PHKA1: variants seen among roughly 807,000 people sequenced by gnomAD.
PHKA1 encodes phosphorylase b kinase regulatory subunit alpha, skeletal muscle isoform.
In PHKA1, 60 loss-of-function variants were observed where a neutral mutation model predicts 110.2. The observed-to-expected ratio is 0.54, with a 90% confidence interval of 0.44 to 0.68. The LOEUF (loss-of-function observed/expected upper bound fraction) is 0.68. PHKA1 is among the 30% of genes least tolerant of loss of function. PHKA1 has a pLI of 0.00. For missense variants in PHKA1, 801 were observed against 942.5 expected, an observed-to-expected ratio of 0.85 and a Z score of 1.97; for synonymous variants, 316 against 333.6, an observed-to-expected ratio of 0.95 and a Z score of 0.58.
intron 12 of PHKA1, 51 bp downstream of exon 12, chrX:72,652,493 A>T: frequency 1.5e-6 from 1 of 680,787 alleles, no homozygotes; most frequent in Non-Finnish European, 2.4e-6. Context: ...TCTGATTATT[A>T]TGGTGACTTA....
At position 72,584,271 on chromosome X, in the gene PHKA1, A is replaced by G; in HGVS notation, c.3275T>C (p.Leu1092Pro). Residue 1092 changes from leucine to proline, a missense_variant, in exon 30 of 32, where the codon CTT becomes CCT. By Grantham distance (98) the Leu-to-Pro change is moderately conservative (BLOSUM62 -3). Coordinates refer to ENST00000373542, the MANE Select transcript of PHKA1 (RefSeq NM_002637.4). ...TACCTCTCTAGTGGTAGAGGAAGGA[A>G]GGACAAACCCTTCAACAGAAAGTCC... Reference protein sequence around the residue: ...CHGLSVEGFVLPSSTTREMTP... With the variant: ...CHGLSVEGFVPPSSTTREMTP... 1 of 1,208,550 alleles carries G rather than the reference A, an allele frequency of 8.3e-7. No homozygotes were observed. The highest frequency in any genetic ancestry group is 1.1e-6 in the Non-Finnish European group (1 of 892,465).
At position 72,712,910 on chromosome X, in the gene PHKA1, T is replaced by C. The variant is rs1332559529; in HGVS notation, c.106A>G (p.Ser36Gly). 1.4e-5 allele frequency: 17 copies of C among 1,209,803 alleles called. No individual in the cohort carries two copies. Among genetic ancestry groups the C allele is most frequent in the Non-Finnish European group, 1.8e-5 (16 of 895,215 alleles). The change falls in exon 2 of 32, where the codon AGC becomes GGC. Residue 36 changes from serine to glycine, a missense_variant. Ser to Gly is a moderately conservative substitution (Grantham distance 56, BLOSUM62 0). This residue lies in a region of PHKA1 where 299 missense variants were observed against 423.3 expected (regional missense o/e 0.71). Coordinates refer to ENST00000373542, the MANE Select transcript of PHKA1 (RefSeq NM_002637.4). ...ACCCAAGCATCTTTCTGATCATAGC[T>C]GGCTGGAAGCAAGCCAGTCACTGGA... ...QNPVTGLLPA[S>G]YDQKDAWVRD...
At chrX:72,675,209 TA>T (rs1288261611) in intron 6 of PHKA1, among the ~76,000 whole-genome samples, 6 of 104,080 alleles carry the variant, frequency 5.8e-5, no homozygotes, top group African/African-American at 1.0e-4. Flanking sequence ...ATAATAATAA[TA>T]AATAAATAAA....
chrX:72,634,015 A>C (rs1419687518), intron 16 of PHKA1, among the ~76,000 whole-genome samples: 3 of 111,547 alleles, frequency 2.7e-5, no homozygotes, highest in Non-Finnish European at 5.7e-5. Flanking sequence ...CTGTCATCTG[A>C]ATACTATCCA....
At position 72,676,119 on chromosome X, in the gene PHKA1, G is replaced by C. The variant is rs1556311686; in HGVS notation, c.569C>G (p.Thr190Ser). ...ATTCAACTCTGAGATCCCTTGGTTGGTCTTGTCTCCACGTTCCCATATCCC... is the reference window on the plus strand; with the variant it reads ...ATTCAACTCTGAGATCCCTTGGTTGCTCTTGTCTCCACGTTCCCATATCCC... The part of the protein sequence containing the change: ...DFGIWERGDK[T>S]NQGISELNAS... Residue 190 changes from threonine (T) to serine (S), a missense_variant, in exon 6 of 32, where the codon ACC (threonine) becomes AGC (serine). By Grantham distance (58) the Thr-to-Ser change is moderately conservative. Around this residue, in one of 2 missense-constraint regions of PHKA1, gnomAD observed 299 missense variants for 423.3 expected, o/e 0.71. Transcript: ENST00000373542. 1 of 1,209,448 alleles carries C rather than the reference G, an allele frequency of 8.3e-7. No homozygotes were observed. Among genetic ancestry groups the C allele is most frequent in the African/African-American group, 1.7e-5 (1 of 57,547 alleles).
At position 72,635,171 on chromosome X, in the gene PHKA1, G is replaced by T. The variant is rs369728544; in HGVS notation, c.1698C>A (p.Ile566=). ...MTGQPTITFP[I]SHSMLDEDGT... ...AGCCCTTACCAAGCATGCTGTGTGA[G>T]ATGGGGAAGGTGATGGTGGGCTGGC... Residue 566 remains isoleucine, a synonymous_variant, in exon 16 of 32, where the codon ATC becomes ATA. Coordinates refer to ENST00000373542, the MANE Select transcript of PHKA1 (RefSeq NM_002637.4). 3 of 1,210,503 alleles carry T rather than the reference G, an allele frequency of 2.5e-6. No individual in the cohort carries two copies. Among genetic ancestry groups the T allele is most frequent in the Non-Finnish European group, 3.4e-6 (3 of 895,358 alleles).
At chrX:72,680,240 C>A (rs2053831118) in intron 5 of PHKA1, among the ~76,000 whole-genome samples, 2 of 111,636 alleles carry the variant, frequency 1.8e-5, no homozygotes, top group Admixed American at 9.4e-5. Flanking sequence ...TCTCAAACTC[C>A]CAACCTCAGG....
chrX:72,680,075 G>A (rs1351036544), intron 5 of PHKA1, among the ~76,000 whole-genome samples: 2 of 109,173 alleles, frequency 1.8e-5, no homozygotes, highest in Non-Finnish European at 3.8e-5. Context: ...GCAATGGTGT[G>A]ATCATCTTGG....
chrX:72,654,861 A>G (rs1291808137), intron 10 of PHKA1, among the ~76,000 whole-genome samples: 60 of 99,787 alleles, frequency 6.0e-4, no homozygotes, highest in Admixed American at 5.6e-3. Flanking sequence ...GCAGTGGCGC[A>G]ATCTCGGCTC....
At chrX:72,589,191 A>G (rs2052479560) in intron 29 of PHKA1, among the ~76,000 whole-genome samples, 1 of 111,932 alleles carries the variant, frequency 8.9e-6, no homozygotes, top group African/African-American at 3.3e-5. Context: ...AAATACTGGC[A>G]AACCGAATCC....
chrX:72,600,463 A>T (rs1475347678), intron 28 of PHKA1, among the ~76,000 whole-genome samples: 1 of 112,327 alleles, frequency 8.9e-6, no homozygotes, highest in African/African-American at 3.2e-5. Flanking sequence ...TGCCAATGTA[A>T]CTAACTATTC....
intron 15 of PHKA1, among the ~76,000 whole-genome samples, chrX:72,635,624 T>C (rs782733098): frequency 3.6e-5 from 4 of 112,270 alleles, no homozygotes; most frequent in Admixed American, 1.9e-4. Flanking sequence ...TGAAATCATA[T>C]GGCTAGCAAA....
chrX:72,594,793 A>C (rs782690927), intron 28 of PHKA1, among the ~76,000 whole-genome samples: 1 of 112,571 alleles, frequency 8.9e-6, no homozygotes, highest in Non-Finnish European at 1.9e-5. Context: ...TCAAACGAAC[A>C]AACAAACAAA....
intron 14 of PHKA1, among the ~76,000 whole-genome samples, chrX:72,643,000 C>T (rs1401661159): frequency 7.2e-5 from 8 of 111,069 alleles, no homozygotes; most frequent in Admixed American, 6.8e-4. Flanking sequence ...ATGTTAATAG[C>T]TCCGGAATGC....
In PHKA1 at chrX:72,695,723, G is replaced by A. The variant is rs1556326934; in HGVS notation, c.439C>T (p.Gln147Ter). 8.3e-7 allele frequency: 1 copy of A among 1,209,377 alleles called. No homozygotes were observed. Among genetic ancestry groups the A allele is most frequent in the East Asian group, 3.0e-5 (1 of 33,813 alleles). The change falls in exon 4 of 32, where the codon CAA (glutamine) becomes TAA (stop). Residue 147 changes from glutamine to a stop codon, truncating the protein, a stop_gained. Coordinates refer to ENST00000373542, the MANE Select transcript of PHKA1 (RefSeq NM_002637.4). LOFTEE classifies it high-confidence loss of function. ...TTGTACTGACCTGAGGCAGTCATTT[G>A]GGCTAAGAAGAGCAGGTACACAGAG... ...ATSVYLLFLA[Q>*]MTASGLHIIH...
chrX:72,613,826 C>T (rs1281693881), intron 21 of PHKA1, among the ~76,000 whole-genome samples: 1 of 111,837 alleles, frequency 8.9e-6, no homozygotes, highest in Non-Finnish European at 1.9e-5. Context: ...AAGAACTTGG[C>T]ATTACCTTAG....
intron 29 of PHKA1, among the ~76,000 whole-genome samples, chrX:72,586,775 C>A (rs1047777957): frequency 1.8e-5 from 2 of 110,068 alleles, no homozygotes; most frequent in Non-Finnish European, 3.8e-5. Flanking sequence ...ACAAGAACTA[C>A]GTGACGCACG....
intron 14 of PHKA1, among the ~76,000 whole-genome samples, 170 bp from the exon 15 acceptor site, chrX:72,636,556 T>G (rs2053233325): frequency 8.9e-6 from 1 of 112,139 alleles, no homozygotes; most frequent in Non-Finnish European, 1.9e-5. Context: ...CTTTTTACAG[T>G]TTAGCATTCT....
At chrX:72,616,365 TA>T (rs1403216242) in intron 21 of PHKA1, among the ~76,000 whole-genome samples, 2 of 111,532 alleles carry the variant, frequency 1.8e-5, no homozygotes, top group African/African-American at 6.5e-5. Flanking sequence ...AAGACTGTCT[TA>T]AAAAAATAGA....
Sources: gnomAD v4.1 joint callset for allele counts (sites outside exome capture counted in the v4.1 genomes callset) on GRCh38, gnomAD v4.1.1 for gene constraint, gnomAD v4.1.1 regional missense constraint, MANE v1.5 for transcripts, NCBI Gene and HGNC (gene_info 2026-07-23, HGNC 2026-07-21) for gene names.